The following FOXO1 variants were observed in gnomAD, a reference collection of about 807,000 sequenced individuals.
FOXO1 encodes the protein forkhead box protein O1.
Under a neutral mutation model 44.1 loss-of-function variants are expected in FOXO1, and 6 were observed. The observed-to-expected ratio is 0.14, with a 90% CI of 0.07 to 0.27. FOXO1 has a LOEUF of 0.27. FOXO1 is among the 10% of genes least tolerant of loss of function. The pLI is 1.00. For missense variants in FOXO1, 737 were observed against 888.8 expected (o/e 0.83, Z 2.17); for synonymous variants, 380 against 362.7 (o/e 1.05, Z -0.54).
intron 1 of FOXO1, among the ~76,000 whole-genome samples, chr13:40,570,830 T>C (rs1470961389): frequency 2.6e-5 from 4 of 152,204 alleles, no homozygotes; most frequent in Admixed American, 6.5e-5. Context: ...CTCTATGCAC[T>C]ATCAGAAACA....
intron 1 of FOXO1, among the ~76,000 whole-genome samples, chr13:40,637,299 C>T (rs966160502): frequency 2.4e-4 from 36 of 152,140 alleles, no homozygotes; most frequent in African/African-American, 7.7e-4. Context: ...AAAAAATTAG[C>T]CGGGCATGGT....
rs535294423 is a variant in FOXO1, at chr13:40,579,700, T to C, written c.631-18840A>G. On this transcript the variant is annotated intron_variant, in intron 1 of 2. Coordinates refer to ENST00000379561, the MANE Select transcript of FOXO1 (RefSeq NM_002015.4). The stretch of plus-strand genomic sequence containing the variant: ...GCCTTGGCTGTGACACTCCTCCTCA[T>C]GCTGTTAGGAGCCATGATGTGAGCA... Among the ~76,000 whole-genome samples the C allele has an allele frequency of 9.2e-5, 14 of 152,294 alleles. No individual in the cohort carries two copies. The East Asian group carries it at 2.7e-3, about 29-fold the overall frequency.
At chr13:40,622,908 G>A (rs969457367) in intron 1 of FOXO1, among the ~76,000 whole-genome samples, 6 of 152,134 alleles carry the variant, frequency 3.9e-5, no homozygotes, top group African/African-American at 1.4e-4. Flanking sequence ...CTCCAGACAA[G>A]AGATTCCTTA....
intron 1 of FOXO1, among the ~76,000 whole-genome samples, chr13:40,660,983 A>G (rs969196077): frequency 6.6e-6 from 1 of 151,380 alleles, no homozygotes; most frequent in Non-Finnish European, 1.5e-5. Flanking sequence ...AACAACAACA[A>G]CAACAAAAAT....
rs1873730283 is a variant in FOXO1, at chr13:40,555,942, C to T, written c.*3107G>A. The stretch of plus-strand genomic sequence containing the variant: ...GAGGCATGACTACGTCCTGATGGGA[C>T]TTACATGGCCACCCCTGGCCACACT... On this transcript the variant is annotated 3_prime_UTR_variant, in exon 3 of 3. Transcript: ENST00000379561. 1 of 152,592 alleles carries T rather than the reference C, an allele frequency of 6.6e-6. No individual in the cohort carries two copies. The highest frequency in any genetic ancestry group is 6.5e-5 in the Admixed American group (1 of 15,284). 9.5% of individuals were successfully genotyped at this position (152,592 alleles called of 1,614,324 possible).
chr13:40,587,790 T>C (rs1264869138), intron 1 of FOXO1, among the ~76,000 whole-genome samples: 5 of 152,236 alleles, frequency 3.3e-5, no homozygotes, highest in Admixed American at 6.5e-5. Context: ...GAGACATTAA[T>C]TATGAAGTCC....
chr13:40,604,352 T>C (rs1273004408), intron 1 of FOXO1, among the ~76,000 whole-genome samples: 1 of 151,782 alleles, frequency 6.6e-6, no homozygotes, highest in Non-Finnish European at 1.5e-5. Flanking sequence ...CTGAGTGCAC[T>C]CAACTATCTC....
intron 1 of FOXO1, among the ~76,000 whole-genome samples, chr13:40,647,804 G>C (rs893155029): frequency 4.6e-5 from 7 of 152,306 alleles, no homozygotes; most frequent in Non-Finnish European, 1.0e-4. Flanking sequence ...CCAATGTGGA[G>C]CATCCTTCAC....
chr13:40,591,915 C>G (rs1351500250), intron 1 of FOXO1, among the ~76,000 whole-genome samples: 1 of 152,094 alleles, frequency 6.6e-6, no homozygotes, highest in East Asian at 1.9e-4. Flanking sequence ...TGATGTTGGT[C>G]AGGCTGGTCT....
chr13:40,560,296 T>C lies in FOXO1; in HGVS notation c.1195A>G (p.Met399Val). The C allele has an allele frequency of 6.2e-7, 1 of 1,614,182 alleles. No individual in the cohort carries two copies. The highest frequency in any genetic ancestry group is 8.5e-7 in the Non-Finnish European group (1 of 1,180,034). Reference protein sequence around the residue: ...VSTQSSPGTMMQQTPCYSFAP... With the variant: ...VSTQSSPGTMVQQTPCYSFAP... ...AACGAGTAGCACGGCGTCTGCTGCA[T>C]CATGGTGCCAGGTGAGGACTGGGTC... Residue 399 changes from methionine (M) to valine (V), a missense_variant, in exon 2 of 3, where the codon ATG (methionine) becomes GTG (valine). Met to Val is a conservative substitution (Grantham distance 21, BLOSUM62 1). Around this residue, in one of 7 missense-constraint regions of FOXO1, gnomAD observed 283 missense variants for 278.1 expected, o/e 1.02. Transcript: ENST00000379561. The surrounding 1 kb of genome is among the most constrained non-coding windows in gnomAD (Gnocchi z 5.1).
intron 1 of FOXO1, among the ~76,000 whole-genome samples, chr13:40,595,258 C>A (rs888199038): frequency 5.9e-5 from 9 of 152,302 alleles, no homozygotes; most frequent in Admixed American, 5.9e-4. Context: ...GCTTGACACA[C>A]TTTGTAAAGA....
Position 40,595,384 on chromosome 13 carries a change from G to A in FOXO1, c.631-34524C>T, listed in dbSNP as rs1875538981. ...GGATCATCAGGGATCTATCTATCCTGTCAAAACGCAGATCCTCGTTCAGTA... is the reference window on the plus strand; with the variant it reads ...GGATCATCAGGGATCTATCTATCCTATCAAAACGCAGATCCTCGTTCAGTA... On this transcript the variant is annotated intron_variant, in intron 1 of 2. Transcript: ENST00000379561. Among the ~76,000 whole-genome samples, 4 of 152,270 alleles carry A rather than the reference G, an allele frequency of 2.6e-5. No individual in the cohort carries two copies. In the South Asian group the frequency reaches 8.3e-4, roughly 32 times the overall value.
chr13:40,607,268 C>T (rs1384136301), intron 1 of FOXO1, among the ~76,000 whole-genome samples: 4 of 152,160 alleles, frequency 2.6e-5, no homozygotes, highest in East Asian at 3.8e-4. Flanking sequence ...GTGCTACACC[C>T]GGAGCGCCTA....
chr13:40,635,131 G>C (rs1877104109), intron 1 of FOXO1, among the ~76,000 whole-genome samples: 1 of 152,132 alleles, frequency 6.6e-6, no homozygotes, highest in South Asian at 2.1e-4. Context: ...ATATGGCATT[G>C]TTCTTTATTG....
At chr13:40,664,664 G>C (rs989298794) in intron 1 of FOXO1, among the ~76,000 whole-genome samples, 2 of 152,108 alleles carry the variant, frequency 1.3e-5, no homozygotes, top group Non-Finnish European at 2.9e-5. Flanking sequence ...GGCAGCCTCT[G>C]TGTTTCTAAC....
intron 1 of FOXO1, among the ~76,000 whole-genome samples, chr13:40,628,816 GTTGTCCCC>G (rs1036694098): frequency 2.6e-5 from 4 of 152,130 alleles, no homozygotes; most frequent in African/African-American, 9.7e-5. Context: ...TCCTCTCCAG[GTTGTCCCC>G]CAGGCACCTG....
At chr13:40,627,377 G>A (rs1876819417) in intron 1 of FOXO1, among the ~76,000 whole-genome samples, 1 of 152,214 alleles carries the variant, frequency 6.6e-6, no homozygotes, top group African/African-American at 2.4e-5. Context: ...GAGAAATGCT[G>A]AGGAAATGTT....
chr13:40,570,083 C>G (rs1874424346), intron 1 of FOXO1, among the ~76,000 whole-genome samples: 1 of 152,090 alleles, frequency 6.6e-6, no homozygotes, highest in African/African-American at 2.4e-5. Context: ...GAGGCCGAGG[C>G]AGGCAGATCA....
intron 1 of FOXO1, among the ~76,000 whole-genome samples, chr13:40,613,524 C>A (rs755151851): frequency 2.0e-5 from 3 of 152,116 alleles, no homozygotes; most frequent in Non-Finnish European, 4.4e-5. Context: ...AGAGCAGCTC[C>A]GGTCCCCATC....
Sources: gnomAD v4.1 joint callset for allele counts (sites outside exome capture counted in the v4.1 genomes callset) on GRCh38, gnomAD v4.1.1 for gene constraint, gnomAD v4.1.1 regional missense constraint, Gnocchi (gnomAD v3.1) non-coding constraint, MANE v1.5 for transcripts, NCBI Gene and HGNC (gene_info 2026-07-23, HGNC 2026-07-21) for gene names.